The following ADGRG1 variants were observed in gnomAD, a reference collection of about 807,000 sequenced individuals.
The protein encoded by ADGRG1 is 7-transmembrane protein with no EGF-like N-terminal domains-1.
Under a neutral mutation model 73.5 loss-of-function variants are expected in ADGRG1, and 53 were observed. The observed-to-expected ratio is 0.72, with a 90% CI of 0.58 to 0.91. The LOEUF (loss-of-function observed/expected upper bound fraction) is 0.91. Among genes scored for constraint, ADGRG1 ranks in the 40% least tolerant of loss-of-function variants. The probability of loss-of-function intolerance (pLI) is 0.00; values close to 1 mark genes in which losing one functional copy is unlikely to be tolerated. For missense variants in ADGRG1, 795 were observed against 871.8 expected, an observed-to-expected ratio of 0.91 and a Z score of 1.11; for synonymous variants, 394 against 374.4, an observed-to-expected ratio of 1.05 and a Z score of -0.60.
At chr16:57,657,289 C>G in intron 9 of ADGRG1, 84 bp from the exon 10 acceptor site, 1 of 1,601,450 alleles carries the variant, frequency 6.2e-7, no homozygotes, top group South Asian at 1.1e-5. Context: ...CACCAGGGAC[C>G]CCAGGTTAGC....
intron 1 of ADGRG1, chr16:57,642,797 C>T (rs77922299): frequency 2.1e-5 from 4 of 194,952 alleles, no homozygotes; most frequent in African/African-American, 4.7e-5. Flanking sequence ...GTTTGAGTCC[C>T]GGCTTTTCTG....
intron 1 of ADGRG1, chr16:57,635,330 G>A (rs2039083807): frequency 1.0e-6 from 1 of 985,280 alleles, no homozygotes; most frequent in Non-Finnish European, 1.2e-6. Flanking sequence ...TGCCACCTGT[G>A]TGCACACCTA....
upstream of ADGRG1, chr16:57,623,158 T>TG: frequency 1.0e-6 from 1 of 976,262 alleles, no homozygotes; most frequent in Non-Finnish European, 1.2e-6. Context: ...GACAGGGTTG[T>TG]GGGGGAAAAT....
chr16:57,629,149 T>C (rs1469524766), intron 1 of ADGRG1: 1 of 981,386 alleles, frequency 1.0e-6, no homozygotes, highest in Non-Finnish European at 1.2e-6. Flanking sequence ...TGGGTAGGGA[T>C]GGTGGTGAAA....
At chr16:57,655,845 C>T in intron 6 of ADGRG1, 31 bp from the exon 7 acceptor site, 3 of 1,613,976 alleles carry the variant, frequency 1.9e-6, no homozygotes, top group South Asian at 1.1e-5. Context: ...AACTCCCTCC[C>T]TACTCTCTTC....
At chr16:57,642,342 T>C (rs2041050332) in intron 1 of ADGRG1, 1 of 985,052 alleles carries the variant, frequency 1.0e-6, no homozygotes, top group African/African-American at 1.8e-5. Flanking sequence ...TGATGATGAG[T>C]GGCCCTGGGG....
intron 1 of ADGRG1, chr16:57,632,658 G>C: frequency 2.3e-6 from 1 of 437,968 alleles, no homozygotes; most frequent in Non-Finnish European, 3.0e-6. Context: ...CTCGTGCTTT[G>C]GTGAGGAGGC....
chr16:57,633,234 A>G (rs1438262631), intron 1 of ADGRG1: 2 of 765,752 alleles, frequency 2.6e-6, no homozygotes, highest in African/African-American at 3.8e-5. Flanking sequence ...TACCTAGCAC[A>G]GTGCATGACT....
At chr16:57,655,705 C>G (rs2045542876) in intron 6 of ADGRG1, 171 bp from the exon 7 acceptor site, 1 of 985,242 alleles carries the variant, frequency 1.0e-6, no homozygotes, top group Non-Finnish European at 1.2e-6. Context: ...CAATGTTCTT[C>G]TTACTATAGT....
At chr16:57,630,652 G>A (rs1471614762) in intron 1 of ADGRG1, 1 of 416,206 alleles carries the variant, frequency 2.4e-6, no homozygotes, top group Non-Finnish European at 3.2e-6. Context: ...TTTTGTCAGG[G>A]ATACAAACAA....
intron 8 of ADGRG1, 64 bp from the exon 9 acceptor site, chr16:57,656,450 G>T: frequency 6.3e-7 from 1 of 1,590,126 alleles, no homozygotes; most frequent in South Asian, 1.1e-5. Flanking sequence ...TGCTTTTGGG[G>T]GTGGACACAG....
intron 1 of ADGRG1, chr16:57,629,140 G>T (rs1290779295): frequency 1.0e-6 from 1 of 982,910 alleles, no homozygotes; most frequent in African/African-American, 1.7e-5. Context: ...GTTGGACAGT[G>T]GGTAGGGATG....
chr16:57,644,277 CTCA>C (rs1377908740), intron 1 of ADGRG1: 5 of 770,680 alleles, frequency 6.5e-6, no homozygotes, highest in Admixed American at 6.3e-5. Context: ...GGCACACACA[CTCA>C]TCACACACTC....
rs190787168 is a variant in ADGRG1, at chr16:57,645,270, G to A, written c.-35-4983G>A. The A allele has an allele frequency of 7.0e-5, 69 of 985,432 alleles. No homozygotes were observed. The African/African-American group carries it at 1.2e-3, about 16-fold the overall frequency. The allele number at this position is 985,432 out of a possible 1,614,324, so 61.0% of individuals were successfully genotyped here. ...TTCCCCTCTGCCTCTCCCAGCGAGG[G>A]CCCATTTAAGGGGAAGGCCTCCAGG... On this transcript the variant is annotated intron_variant, in intron 1 of 13. Coordinates refer to ENST00000562631, the MANE Select transcript of ADGRG1 (RefSeq NM_201525.4).
chr16:57,661,723 G>A lies in ADGRG1; in HGVS notation c.1691G>A (p.Ser564Asn). The change falls in exon 13 of 14, where the codon AGC (serine) becomes AAC (asparagine). Residue 564 changes from serine to asparagine, a missense_variant. Coordinates refer to ENST00000562631, the MANE Select transcript of ADGRG1 (RefSeq NM_201525.4). The part of the protein sequence containing the change: ...SMCWIRDSLV[S>N]YITNLGLFSL... ...TGCTGGATCCGGGACTCCCTGGTCA[G>A]CTACATCACCAACCTGGGCCTCTTC... 1 of 1,614,060 alleles carries A rather than the reference G, an allele frequency of 6.2e-7. No homozygotes were observed. Among genetic ancestry groups the A allele is most frequent in the South Asian group, 1.1e-5 (1 of 91,084 alleles).
chr16:57,663,714 A>T lies in ADGRG1; in HGVS notation c.*132A>T. 9.8e-7 allele frequency: 1 copy of T among 1,017,068 alleles called. No homozygotes were observed. Among genetic ancestry groups the T allele is most frequent in the Non-Finnish European group, 1.5e-6 (1 of 671,072 alleles). 63.0% of individuals were successfully genotyped at this position (1,017,068 alleles called of 1,614,324 possible). On this transcript the variant is annotated 3_prime_UTR_variant, in exon 14 of 14. Coordinates refer to ENST00000562631, the MANE Select transcript of ADGRG1 (RefSeq NM_201525.4). ...TGGAAAGCCCAACGACCATGGAGAG[A>T]TGGGCCGTTGCCATGGTGGACGGAC... is the stretch of plus-strand genomic sequence containing the variant.
chr16:57,628,842 TAGTGTG>T (rs760150582), intron 1 of ADGRG1, 40 bp downstream of exon 1: 68 of 969,284 alleles, frequency 7.0e-5, no homozygotes, highest in Non-Finnish European at 8.0e-5. Context: ...GGAAGGGGAA[TAGTGTG>T]AGTGTGAGAG....
At chr16:57,637,462 A>T (rs1410713603) in intron 1 of ADGRG1, 2 of 984,582 alleles carry the variant, frequency 2.0e-6, no homozygotes, top group East Asian at 2.3e-4. Context: ...CCTCGTCTGT[A>T]CCTCCCCCCA....
At chr16:57,642,054 C>A (rs1225175402) in intron 1 of ADGRG1, 2 of 984,468 alleles carry the variant, frequency 2.0e-6, no homozygotes, top group African/African-American at 3.5e-5. Flanking sequence ...CCCCTGGCTT[C>A]AATTCCAAAA....
Sources: allele counts gnomAD v4.1 joint callset, GRCh38; gene constraint gnomAD v4.1.1; transcripts MANE v1.5; gene names NCBI Gene and HGNC (gene_info 2026-07-23, HGNC 2026-07-21).